THBS3: variants seen among roughly 807,000 people sequenced by gnomAD.
THBS3 encodes the protein thrombospondin 3, also known as thrombospondin-3.
In THBS3, 78 loss-of-function variants were observed where a neutral mutation model predicts 118.3. The ratio of observed to expected loss-of-function variants is 0.66; its 90% CI spans 0.55 to 0.80. The LOEUF (loss-of-function observed/expected upper bound fraction) is 0.80. Among genes scored for constraint, THBS3 ranks in the 30% least tolerant of loss-of-function variants. The pLI is 0.00. For missense variants in THBS3, 1,057 were observed against 1,247.4 expected, an observed-to-expected ratio of 0.85 and a Z score of 2.30; for synonymous variants, 427 against 475.3, an observed-to-expected ratio of 0.90 and a Z score of 1.32.
chr1:155,208,621 C>T (rs1490164489), upstream of THBS3: 2 of 639,664 alleles, frequency 3.1e-6, no homozygotes, highest in Non-Finnish European at 5.1e-6. Context: ...CGGGCCGTGA[C>T]CCGGATGAAG....
chr1:155,196,349 C>T (rs986717869), intron 21 of THBS3: 26 of 573,576 alleles, frequency 4.5e-5, no homozygotes, highest in African/African-American at 4.1e-4. Flanking sequence ...CATCTCAAAG[C>T]ACCAGCCGCA....
intron 15 of THBS3, 47 bp downstream of exon 15, chr1:155,199,948 T>G: frequency 6.2e-7 from 1 of 1,609,650 alleles, no homozygotes. Flanking sequence ...TGGGGCTTCA[T>G]CCATCAGTAC....
intron 1 of THBS3, among the ~76,000 whole-genome samples, chr1:155,207,236 C>T (rs1670684332): frequency 6.6e-6 from 1 of 152,216 alleles, no homozygotes; most frequent in Admixed American, 6.5e-5. Flanking sequence ...CTATCTCCCA[C>T]GGGAATGTAG....
Position 155,200,007 on chromosome 1 carries a change from G to A in THBS3, c.1815C>T (p.Ser605=), listed in dbSNP as rs1255949054. ...GDACDSCPEM[S]NPTQTDADSD... is the part of the protein sequence containing the mutation. ...CATCTCCCTGTACCTGGGTAGGATTGCTCATTTCAGGGCAGCTGTCGCAAG... is the reference window on the plus strand; with the variant it reads ...CATCTCCCTGTACCTGGGTAGGATTACTCATTTCAGGGCAGCTGTCGCAAG... The change falls in exon 15 of 23, where the codon AGC becomes AGT. Residue 605 remains serine, a synonymous_variant. Coordinates refer to ENST00000368378, the MANE Select transcript of THBS3 (RefSeq NM_007112.5). The A allele has an allele frequency of 1.3e-6, 2 of 1,599,494 alleles. No homozygotes were observed. Among genetic ancestry groups the A allele is most frequent in the African/African-American group, 2.7e-5 (2 of 74,590 alleles).
chr1:155,199,841 C>T lies in THBS3; in HGVS notation c.1843G>A (p.Asp615Asn), dbSNP rs758638134. ...SNPTQTDADS[D>N]LVGDVCDTNE... ...GTATCACAGACATCCCCCACCAGGT[C>T]GCTGTCTGCATCTGTCTGAGAGAGA... is the stretch of plus-strand genomic sequence containing the variant. Residue 615 changes from aspartate (D) to asparagine (N), a missense_variant, in exon 16 of 23, where the codon GAC (aspartate) becomes AAC (asparagine). Physicochemically the swap from Asp to Asn is conservative, Grantham distance 23 (BLOSUM62 1). Coordinates refer to ENST00000368378, the MANE Select transcript of THBS3 (RefSeq NM_007112.5). The T allele has an allele frequency of 2.5e-6, 4 of 1,614,232 alleles. No homozygotes were observed. Among genetic ancestry groups the T allele is most frequent in the Non-Finnish European group, 2.5e-6 (3 of 1,180,030 alleles).
chr1:155,202,205 GC>G lies in THBS3; in HGVS notation c.1098+55del. 1 of 1,596,544 alleles carries G rather than the reference GC, an allele frequency of 6.3e-7. No homozygotes were observed. The highest frequency in any genetic ancestry group is 1.1e-5 in the South Asian group (1 of 89,054). ...CAAGGGTCCCATGTCCAACCCAGAA[GC>G]CCCTGGCCTCTACAAGGCCAAGATC... On this transcript the variant is annotated intron_variant, in intron 9 of 22. Transcript: ENST00000368378. The surrounding 1 kb of genome is among the most constrained non-coding windows in gnomAD (Gnocchi z 5.5).
Position 155,202,095 on chromosome 1 carries a change from G to A in THBS3, c.1099-61C>T, listed in dbSNP as rs1669837420. On this transcript the variant is annotated intron_variant, in intron 9 of 22. Coordinates refer to ENST00000368378, the MANE Select transcript of THBS3 (RefSeq NM_007112.5). The surrounding 1 kb of genome is among the most constrained non-coding windows in gnomAD (Gnocchi z 5.5). Reference sequence around the variant, plus strand: ...GGTGGGTCTCCTCAGATACAGCAGAGGACACTGGTATGGCCTTATCTGTGA... The same window carrying A: ...GGTGGGTCTCCTCAGATACAGCAGAAGACACTGGTATGGCCTTATCTGTGA... 5 of 1,613,632 alleles carry A rather than the reference G, an allele frequency of 3.1e-6. No individual in the cohort carries two copies. In the East Asian group the frequency reaches 1.1e-4, roughly 36 times the overall value.
chr1:155,204,131 C>T (rs1386410466), intron 4 of THBS3, among the ~76,000 whole-genome samples: 1 of 152,094 alleles, frequency 6.6e-6, no homozygotes, highest in South Asian at 2.1e-4. Context: ...TGAGCCACCA[C>T]ACCCGCCATC....
At chr1:155,208,636 G>A, upstream of THBS3, 1 of 704,822 alleles carries the variant, frequency 1.4e-6, no homozygotes, top group South Asian at 2.1e-5. Flanking sequence ...ATGAAGCAGA[G>A]GGGCGCCTGA....
Position 155,206,967 on chromosome 1 carries a change from T to C in THBS3, c.80-561A>G, listed in dbSNP as rs1412123655. Among the ~76,000 whole-genome samples the C allele has an allele frequency of 2.0e-5, 3 of 152,066 alleles. No homozygotes were observed. Among genetic ancestry groups the C allele is most frequent in the African/African-American group, 7.2e-5 (3 of 41,410 alleles). On this transcript the variant is annotated intron_variant, in intron 1 of 22. Coordinates refer to ENST00000368378, the MANE Select transcript of THBS3 (RefSeq NM_007112.5). This position sits in a 1 kb window ranked among gnomAD's most constrained non-coding sequence, Gnocchi z 4.2. ...TTCCAGGAACCTGCAGGTTTGAGAC[T>C]CACTTGGAAACACAGAAACAGCACC... is the stretch of plus-strand genomic sequence containing the variant.
chr1:155,208,957 G>T, upstream of THBS3: 1 of 1,609,058 alleles, frequency 6.2e-7, no homozygotes, highest in South Asian at 1.1e-5. Flanking sequence ...CGCCTTCAGG[G>T]GTTCGGGGCT....
chr1:155,200,166 T>G, intron 14 of THBS3, 53 bp from the exon 15 acceptor site: 4 of 1,457,226 alleles, frequency 2.7e-6, no homozygotes, highest in South Asian at 1.4e-5. Flanking sequence ...ATATTCTCTC[T>G]TCTAGGTTGG....
intron 10 of THBS3, 23 bp downstream of exon 10, chr1:155,201,934 T>C: frequency 6.2e-7 from 1 of 1,613,778 alleles, no homozygotes; most frequent in Non-Finnish European, 8.5e-7. Flanking sequence ...CACCCCAGAA[T>C]ACACTCAGGA....
intron 21 of THBS3, chr1:155,196,768 T>C: frequency 2.1e-6 from 1 of 477,282 alleles, no homozygotes; most frequent in Non-Finnish European, 3.8e-6. Flanking sequence ...CCAGATGTGA[T>C]GTGCCCCTTC....
chr1:155,195,947 A>T (rs1193054162), intron 22 of THBS3, 40 bp downstream of exon 22: 2 of 1,614,230 alleles, frequency 1.2e-6, no homozygotes, highest in South Asian at 2.2e-5. Context: ...CTCTCCCACA[A>T]GGCATGAAGG....
chr1:155,198,433 T>TG lies in THBS3; in HGVS notation c.2049dup (p.Asn684GlnfsTer14). 2 of 1,614,134 alleles carry TG rather than the reference T, an allele frequency of 1.2e-6. No homozygotes were observed. Among genetic ancestry groups the TG allele is most frequent in the Non-Finnish European group, 1.7e-6 (2 of 1,179,992 alleles). On this transcript the variant is annotated frameshift_variant, in exon 17 of 23. Transcript: ENST00000368378. LOFTEE classifies it high-confidence loss of function. Reference sequence around the variant, plus strand: ...CCATCTGAGTCCTTCTGATTGGGATTGGGTACCAGGCGGCAGTTATCGGGA... The same window carrying TG: ...CCATCTGAGTCCTTCTGATTGGGATTGGGGTACCAGGCGGCAGTTATCGGGA...
chr1:155,208,646 A>C, upstream of THBS3: 2 of 757,074 alleles, frequency 2.6e-6, no homozygotes, highest in Non-Finnish European at 4.1e-6. Context: ...GGGGCGCCTG[A>C]GTTCCCGTCA....
chr1:155,202,091 C>T lies in THBS3; in HGVS notation c.1099-57G>A. 5 of 1,613,674 alleles carry T rather than the reference C, an allele frequency of 3.1e-6. No individual in the cohort carries two copies. Among genetic ancestry groups the T allele is most frequent in the Non-Finnish European group, 4.2e-6 (5 of 1,179,850 alleles). On this transcript the variant is annotated intron_variant, in intron 9 of 22. Transcript: ENST00000368378. This position sits in a 1 kb window ranked among gnomAD's most constrained non-coding sequence, Gnocchi z 5.5. ...CTATGGTGGGTCTCCTCAGATACAG[C>T]AGAGGACACTGGTATGGCCTTATCT... is the stretch of plus-strand genomic sequence containing the variant.
rs1361503999 is a variant in THBS3, at chr1:155,206,308, A to G, written c.178T>C (p.Ser60Pro). The G allele has an allele frequency of 1.9e-6, 3 of 1,614,172 alleles. No individual in the cohort carries two copies. The highest frequency in any genetic ancestry group is 2.2e-5 in the South Asian group (2 of 91,088). ...TGCTTGGGGGGCAGGCGGAAGGTGGATAAGAGGTAGATGTCCCCAGCAGTG... is the reference window on the plus strand; with the variant it reads ...TGCTTGGGGGGCAGGCGGAAGGTGGGTAAGAGGTAGATGTCCCCAGCAGTG... ...LLTAGDIYLL[S>P]TFRLPPKQGG... The change falls in exon 2 of 23, where the codon TCC (serine) becomes CCC (proline). Residue 60 changes from serine to proline, a missense_variant. By Grantham distance (74) the Ser-to-Pro change is moderately conservative. Around this residue, in one of 3 missense-constraint regions of THBS3, gnomAD observed 206 missense variants for 205.7 expected, o/e 1.00. Coordinates refer to ENST00000368378, the MANE Select transcript of THBS3 (RefSeq NM_007112.5). This position sits in a 1 kb window ranked among gnomAD's most constrained non-coding sequence, Gnocchi z 4.2.
Sources: gnomAD v4.1 joint callset for allele counts (sites outside exome capture counted in the v4.1 genomes callset) on GRCh38, gnomAD v4.1.1 for gene constraint, gnomAD v4.1.1 regional missense constraint, Gnocchi (gnomAD v3.1) non-coding constraint, MANE v1.5 for transcripts, NCBI Gene and HGNC (gene_info 2026-07-23, HGNC 2026-07-21) for gene names.